FAM135B: variants seen among roughly 807,000 people sequenced by gnomAD.
The protein encoded by FAM135B is family with sequence similarity 135 member B.
FAM135B carries 43 observed loss-of-function variants against 127.7 expected under a neutral mutation model. The observed-to-expected ratio is 0.34, with a 90% CI of 0.26 to 0.43. The LOEUF is 0.43. FAM135B is among the 20% of genes least tolerant of loss of function. FAM135B has a pLI of 1.00. For synonymous variants in FAM135B, 670 were observed against 665.1 expected (o/e 1.01, Z -0.11); for missense variants, 1,558 against 1,725.6 (o/e 0.90, Z 1.72).
In FAM135B at chr8:138,479,789, GATAA is replaced by G. The variant is rs1269405181; in HGVS notation, c.-20+16878_-20+16881del. The stretch of plus-strand genomic sequence containing the variant: ...AGTAGGTGCTTATTAATATTTTTTG[GATAA>G]ATAAATGAAACAAAATTTAGGTCTT... On this transcript the variant is annotated intron_variant, in intron 1 of 19. Coordinates refer to ENST00000395297, the MANE Select transcript of FAM135B (RefSeq NM_015912.4). Among the ~76,000 whole-genome samples, 7 of 152,136 alleles carry G rather than the reference GATAA, an allele frequency of 4.6e-5. No homozygotes were observed. In the East Asian group the frequency reaches 1.4e-3, roughly 29 times the overall value.
rs1357861378 is a variant in FAM135B, at chr8:138,149,432, T to C, written c.3282-746A>G. On this transcript the variant is annotated intron_variant, in intron 13 of 19. Coordinates refer to ENST00000395297, the MANE Select transcript of FAM135B (RefSeq NM_015912.4). ...GCCTCCACAAATAACACATTTCTTA[T>C]AATTCTCTGCATGAACTACATGACT... 2.0e-5 allele frequency among the ~76,000 whole-genome samples: 3 copies of C among 152,310 alleles called. No individual in the cohort carries two copies. The East Asian group carries it at 5.8e-4, about 29-fold the overall frequency.
At chr8:138,423,378 C>A (rs551141770) in intron 1 of FAM135B, among the ~76,000 whole-genome samples, 1 of 152,222 alleles carries the variant, frequency 6.6e-6, no homozygotes, top group Non-Finnish European at 1.5e-5. Flanking sequence ...GGGTTCTTTT[C>A]TATTTTCCCT....
intron 9 of FAM135B, among the ~76,000 whole-genome samples, chr8:138,192,431 G>A (rs1336227366): frequency 3.3e-5 from 5 of 152,190 alleles, no homozygotes; most frequent in African/African-American, 4.8e-5. Context: ...CAAAATCTTC[G>A]AAATGATGGC....
At chr8:138,428,458 C>T (rs1371290784) in intron 1 of FAM135B, among the ~76,000 whole-genome samples, 1 of 152,026 alleles carries the variant, frequency 6.6e-6, no homozygotes. Flanking sequence ...GGTACTAAGG[C>T]AGAGATTTAT....
intron 8 of FAM135B, among the ~76,000 whole-genome samples, chr8:138,196,458 A>C (rs929689464): frequency 6.6e-6 from 1 of 152,220 alleles, no homozygotes; most frequent in Non-Finnish European, 1.5e-5. Context: ...TACTCTACAT[A>C]CCGGAGAGAG....
intron 2 of FAM135B, among the ~76,000 whole-genome samples, chr8:138,323,892 T>G (rs1318740555): frequency 6.6e-6 from 1 of 152,212 alleles, no homozygotes; most frequent in Admixed American, 6.5e-5. Flanking sequence ...AAGCAGATAT[T>G]TTTTATATAC....
intron 1 of FAM135B, among the ~76,000 whole-genome samples, chr8:138,428,419 A>G (rs1023884988): frequency 2.6e-5 from 4 of 152,096 alleles, no homozygotes; most frequent in African/African-American, 9.7e-5. Context: ...TGCTTGCAAC[A>G]TAATTGTGAT....
intron 1 of FAM135B, among the ~76,000 whole-genome samples, chr8:138,448,590 T>C (rs548734094): frequency 1.3e-5 from 2 of 152,266 alleles, no homozygotes; most frequent in Admixed American, 1.3e-4. Flanking sequence ...GCACTTGGAC[T>C]GGAGCTGCAC....
At chr8:138,425,445 G>T (rs1834787007) in intron 1 of FAM135B, 1 of 152,168 alleles carries the variant, frequency 6.6e-6, no homozygotes, top group Non-Finnish European at 1.5e-5. Context: ...CCAATAAGAT[G>T]CGGTTGCGAA....
chr8:138,303,248 T>G (rs1288281284), intron 3 of FAM135B, among the ~76,000 whole-genome samples: 1 of 152,214 alleles, frequency 6.6e-6, no homozygotes, highest in Non-Finnish European at 1.5e-5. Context: ...TGGAGTATTA[T>G]GCAGCCATAA....
chr8:138,202,183 T>C (rs1010894020), intron 7 of FAM135B, among the ~76,000 whole-genome samples: 9 of 142,614 alleles, frequency 6.3e-5, no homozygotes, highest in Admixed American at 2.1e-4. Flanking sequence ...CCACTGCAAA[T>C]GGGAAAATAT....
intron 1 of FAM135B, among the ~76,000 whole-genome samples, chr8:138,408,421 C>T (rs575784280): frequency 6.6e-6 from 1 of 152,250 alleles, no homozygotes; most frequent in African/African-American, 2.4e-5. Context: ...CATTAATCAA[C>T]CTCTGCTGGC....
intron 3 of FAM135B, among the ~76,000 whole-genome samples, chr8:138,268,015 AC>A (rs1823078426): frequency 6.6e-6 from 1 of 152,158 alleles, no homozygotes; most frequent in Admixed American, 6.5e-5. Context: ...TGGGGTGAAT[AC>A]CCTGAAGGTC....
At chr8:138,164,963 C>A (rs1819762710) in intron 12 of FAM135B, among the ~76,000 whole-genome samples, 1 of 152,160 alleles carries the variant, frequency 6.6e-6, no homozygotes, top group Non-Finnish European at 1.5e-5. Flanking sequence ...AGATCTTCTG[C>A]AACCATGTCT....
Position 138,284,126 on chromosome 8 carries a change from G to T in FAM135B, c.158-18284C>A, listed in dbSNP as rs186387795. On this transcript the variant is annotated intron_variant, in intron 3 of 19. Transcript: ENST00000395297. ...AAACTTTTTATCACTACTAGAAAAA[G>T]AGAATTAAAAAATATTTTAGTGAAT... is the stretch of plus-strand genomic sequence containing the variant. 3.9e-5 allele frequency among the ~76,000 whole-genome samples: 6 copies of T among 152,260 alleles called. No individual in the cohort carries two copies. The East Asian group carries it at 1.2e-3, about 29-fold the overall frequency.
chr8:138,244,821 G>A (rs937304686), intron 6 of FAM135B, among the ~76,000 whole-genome samples: 7 of 152,124 alleles, frequency 4.6e-5, no homozygotes, highest in African/African-American at 1.4e-4. Context: ...TCCCTCAAGT[G>A]AAATCCAATC....
intron 9 of FAM135B, among the ~76,000 whole-genome samples, chr8:138,185,638 AG>A (rs1395282286): frequency 2.0e-5 from 3 of 152,152 alleles, no homozygotes; most frequent in Non-Finnish European, 2.9e-5. Flanking sequence ...AGTCCCTGCT[AG>A]GAGGGTATAG....
At chr8:138,172,290 C>G (rs990362154) in intron 11 of FAM135B, among the ~76,000 whole-genome samples, 5 of 152,162 alleles carry the variant, frequency 3.3e-5, no homozygotes, top group Non-Finnish European at 5.9e-5. Flanking sequence ...CTCCACCTTC[C>G]TCTTCACACA....
rs1020892430 is a variant in FAM135B, at chr8:138,164,970, G to A, written c.1258+2925C>T. Among the ~76,000 whole-genome samples, 8 of 152,278 alleles carry A rather than the reference G, an allele frequency of 5.3e-5. No homozygotes were observed. In the East Asian group the frequency reaches 1.5e-3, roughly 29 times the overall value. On this transcript the variant is annotated intron_variant, in intron 12 of 19. Coordinates refer to ENST00000395297, the MANE Select transcript of FAM135B (RefSeq NM_015912.4). ...TCTTAGAAAGATCTTCTGCAACCAT[G>A]TCTTGTTGCTGTTTGACTCCAGGGC...
Sources: gnomAD v4.1 joint callset for allele counts (sites outside exome capture counted in the v4.1 genomes callset) on GRCh38, gnomAD v4.1.1 for gene constraint, MANE v1.5 for transcripts, NCBI Gene and HGNC (gene_info 2026-07-23, HGNC 2026-07-21) for gene names.